Variants in NCR2 observed in about 807,000 individuals in gnomAD.
The protein encoded by NCR2 is NK cell activating receptor (NKp44).
NCR2 carries 35 observed loss-of-function variants against 30.7 expected under a neutral mutation model. The ratio of observed to expected loss-of-function variants is 1.14; its 90% CI spans 0.87 to 1.51. The LOEUF is 1.51. Among genes scored for constraint, NCR2 ranks in the 40% most tolerant of loss-of-function variants. The pLI is 0.00. For missense variants in NCR2, 316 were observed against 328.9 expected (o/e 0.96, Z 0.30); for synonymous variants, 146 against 134.8 (o/e 1.08, Z -0.58).
intron 2 of NCR2, among the ~76,000 whole-genome samples, chr6:41,340,147 C>CTTTATTTA (rs34270868): frequency 0.16 from 22,915 of 147,182 alleles, 2,016 homozygotes; most frequent in East Asian, 0.31. Flanking sequence ...TAGCTAACAA[C>CTTTATTTA]TTTATTTATT....
chr6:41,350,553 C>A, intron 4 of NCR2, 125 bp from the exon 5 acceptor site: 1 of 767,808 alleles, frequency 1.3e-6, no homozygotes. Flanking sequence ...CAGACTTCAT[C>A]CTTGTGAGGT....
chr6:41,336,656 C>G (rs954569140), intron 2 of NCR2, among the ~76,000 whole-genome samples: 2 of 152,150 alleles, frequency 1.3e-5, no homozygotes, highest in African/African-American at 4.8e-5. Flanking sequence ...GATGCTGAAA[C>G]AGACCCGGTG....
chr6:41,344,169 C>T (rs980861981), intron 4 of NCR2, among the ~76,000 whole-genome samples: 26 of 152,208 alleles, frequency 1.7e-4, no homozygotes, highest in African/African-American at 6.0e-4. Flanking sequence ...TTCTGCCACC[C>T]AGGAATTGAA....
At position 41,342,017 on chromosome 6, in the gene NCR2, C is replaced by A; in HGVS notation, c.531-19C>A. On this transcript the variant is annotated intron_variant, in intron 3 of 4. Coordinates refer to ENST00000373089, the MANE Select transcript of NCR2 (RefSeq NM_004828.4). ...CTCCCCAGCCCGTCCTCTCCCCTTC[C>A]TGTCCCTCTGCCTTCCAGGCCACAG... The A allele has an allele frequency of 3.1e-6, 5 of 1,613,928 alleles. No homozygotes were observed. Among genetic ancestry groups the A allele is most frequent in the Non-Finnish European group, 4.2e-6 (5 of 1,179,932 alleles).
In NCR2 at chr6:41,344,508, C is replaced by T. The variant is rs75354367; in HGVS notation, c.644+2359C>T. On this transcript the variant is annotated intron_variant, in intron 4 of 4. Coordinates refer to ENST00000373089, the MANE Select transcript of NCR2 (RefSeq NM_004828.4). ...TGTCATCTATTTTTCTTTATTCCTA[C>T]TTTCTGAGAAAGTTCCCCAAGGTTA... 9.8e-5 allele frequency among the ~76,000 whole-genome samples: 15 copies of T among 152,324 alleles called. No homozygotes were observed. The East Asian group carries it at 2.9e-3, about 29-fold the overall frequency.
intron 4 of NCR2, chr6:41,342,908 T>G: frequency 3.2e-6 from 5 of 1,549,276 alleles, no homozygotes; most frequent in African/African-American, 1.4e-5. Context: ...ATTTCTCCCC[T>G]CATCTCAAGG....
chr6:41,349,193 TTATC>T (rs1769375816), intron 4 of NCR2, among the ~76,000 whole-genome samples: 1 of 147,918 alleles, frequency 6.8e-6, no homozygotes, highest in African/African-American at 2.4e-5. Flanking sequence ...TATGCATATA[TTATC>T]ATGTATATAA....
intron 2 of NCR2, among the ~76,000 whole-genome samples, chr6:41,339,189 G>A (rs1002468910): frequency 6.6e-6 from 1 of 151,988 alleles, no homozygotes; most frequent in African/African-American, 2.4e-5. Context: ...AGCCTCCGGT[G>A]TAGCTGGGAC....
At position 41,350,723 on chromosome 6, in the gene NCR2, T is replaced by C; in HGVS notation, c.690T>C (p.Asp230=). The C allele has an allele frequency of 1.2e-6, 2 of 1,614,114 alleles. No individual in the cohort carries two copies. Among genetic ancestry groups the C allele is most frequent in the Admixed American group, 1.7e-5 (1 of 60,022 alleles). ...CCATGATGGAGCTCAGGAGCCTGGA[T>C]ACCCAAAAAGCCACCTGCCACCTTC... The part of the protein sequence containing the change: ...WKTMMELRSL[D]TQKATCHLQQ... Residue 230 remains aspartate (D), a synonymous_variant, in exon 5 of 5, where the codon GAT becomes GAC. Transcript: ENST00000373089.
At chr6:41,344,189 C>T (rs1033732664) in intron 4 of NCR2, among the ~76,000 whole-genome samples, 2 of 152,230 alleles carry the variant, frequency 1.3e-5, no homozygotes, top group African/African-American at 4.8e-5. Flanking sequence ...AGTCCAGTGT[C>T]GTTACTGGGG....
In NCR2 at chr6:41,341,841, T is replaced by C; in HGVS notation, c.442T>C (p.Ser148Pro). The change falls in exon 3 of 5, where the codon TCA becomes CCA. Residue 148 changes from serine to proline, a missense_variant. Transcript: ENST00000373089. ...CTGGACTCCCCGCGACCTGGTCTCT[T>C]CACAGACCCAGACCCAGAGCTGTGT... ...TSWTPRDLVS[S>P]QTQTQSCVPP... 6.2e-7 allele frequency: 1 copy of C among 1,613,368 alleles called. No individual in the cohort carries two copies. The highest frequency in any genetic ancestry group is 8.5e-7 in the Non-Finnish European group (1 of 1,179,930).
chr6:41,338,622 G>A (rs603181), intron 2 of NCR2, among the ~76,000 whole-genome samples: 1 of 152,180 alleles, frequency 6.6e-6, no homozygotes, highest in Non-Finnish European at 1.5e-5. Context: ...AAAAGATACA[G>A]AATTCCTTCA....
intron 2 of NCR2, among the ~76,000 whole-genome samples, chr6:41,339,296 A>G (rs1472335561): frequency 6.6e-6 from 1 of 152,044 alleles, no homozygotes; most frequent in Non-Finnish European, 1.5e-5. Flanking sequence ...TCGTGACCTC[A>G]GGTGATCCGC....
chr6:41,342,834 C>A, intron 4 of NCR2: 2 of 1,232,950 alleles, frequency 1.6e-6, no homozygotes, highest in Non-Finnish European at 2.3e-6. Flanking sequence ...AGCCGGCTTG[C>A]TGGAGGAGGG....
At chr6:41,339,607 G>A (rs1432927897) in intron 2 of NCR2, among the ~76,000 whole-genome samples, 2 of 150,608 alleles carry the variant, frequency 1.3e-5, no homozygotes, top group East Asian at 2.0e-4. Flanking sequence ...GGATGGTCTC[G>A]ATCTCCTGAC....
chr6:41,337,281 A>G (rs181144582), intron 2 of NCR2, among the ~76,000 whole-genome samples: 2 of 152,382 alleles, frequency 1.3e-5, no homozygotes, highest in South Asian at 2.1e-4. Flanking sequence ...TTACATTTTA[A>G]TGAATACAAT....
chr6:41,343,094 T>G, intron 4 of NCR2: 1 of 1,343,476 alleles, frequency 7.4e-7, no homozygotes, highest in Non-Finnish European at 1.0e-6. Flanking sequence ...TCTGCTGTTA[T>G]CCGCAAAGAA....
At position 41,341,774 on chromosome 6, in the gene NCR2, C is replaced by A; in HGVS notation, c.395-20C>A. The stretch of plus-strand genomic sequence containing the variant: ...TGAGGTCTCCCACTCACTAACCACG[C>A]TCTTTCTCCTCCCTGGCAGCCTCTG... On this transcript the variant is annotated intron_variant, in intron 2 of 4. Coordinates refer to ENST00000373089, the MANE Select transcript of NCR2 (RefSeq NM_004828.4). 6.2e-7 allele frequency: 1 copy of A among 1,601,650 alleles called. No individual in the cohort carries two copies. Among genetic ancestry groups the A allele is most frequent in the African/African-American group, 1.3e-5 (1 of 74,882 alleles).
At chr6:41,336,000 G>A (rs1236857608) in intron 1 of NCR2, 72 bp downstream of exon 1, 4 of 1,584,528 alleles carry the variant, frequency 2.5e-6, no homozygotes, top group African/African-American at 1.3e-5. Context: ...GCAGGGTCAG[G>A]GAGCAGGTGG....
Sources: gnomAD v4.1 joint callset for allele counts (sites outside exome capture counted in the v4.1 genomes callset) on GRCh38, gnomAD v4.1.1 for gene constraint, MANE v1.5 for transcripts, NCBI Gene and HGNC (gene_info 2026-07-23, HGNC 2026-07-21) for gene names.